The following LARGE1 variants were observed in gnomAD, a reference collection of about 807,000 sequenced individuals.
LARGE1 encodes xylosyl- and glucuronyltransferase LARGE1.
A neutral mutation model predicts 87.6 loss-of-function variants in LARGE1; 43 were observed. The ratio of observed to expected loss-of-function variants is 0.49; its 90% CI spans 0.38 to 0.63. The LOEUF is 0.63. Ranked by LOEUF, LARGE1 falls within the 30% of genes least tolerant of loss-of-function variation. The probability of loss-of-function intolerance (pLI) is 0.00; values close to 1 mark genes in which losing one functional copy is unlikely to be tolerated. For synonymous variants in LARGE1, 434 were observed against 394.6 expected (o/e 1.10, Z -1.18); for missense variants, 802 against 1,000.2 (o/e 0.80, Z 2.67).
chr22:33,304,141 G>A, intron 12 of LARGE1, 88 bp downstream of exon 12: 1 of 1,459,344 alleles, frequency 6.9e-7, no homozygotes, highest in Admixed American at 1.8e-5. Flanking sequence ...TGTTGGACTA[G>A]ATGATGACCC....
chr22:33,120,406 CT>C, the LARGE1 span, among the ~76,000 whole-genome samples: 7 of 91,950 alleles, frequency 7.6e-5, no homozygotes, highest in East Asian at 7.8e-4. Flanking sequence ...TTCTTTCTTT[CT>C]TTCCTTCTTT....
At chr22:33,586,614 C>A (rs951218861) in intron 5 of LARGE1, among the ~76,000 whole-genome samples, 2 of 152,102 alleles carry the variant, frequency 1.3e-5, no homozygotes, top group Non-Finnish European at 2.9e-5. Flanking sequence ...CCCACCACCA[C>A]GCCTGGCTAA....
chr22:33,555,119 T>A (rs1285018619), intron 6 of LARGE1, among the ~76,000 whole-genome samples: 1 of 152,196 alleles, frequency 6.6e-6, no homozygotes, highest in Non-Finnish European at 1.5e-5. Context: ...GTCTAACAAC[T>A]ATTTACTTAG....
chr22:33,126,918 C>T, the LARGE1 span, among the ~76,000 whole-genome samples: 7 of 152,332 alleles, frequency 4.6e-5, no homozygotes, highest in Non-Finnish European at 1.0e-4. Flanking sequence ...CCAGAGAGTC[C>T]ATGATGGCTG....
At chr22:33,484,911 G>GTTT (rs545498648) in intron 6 of LARGE1, among the ~76,000 whole-genome samples, 25 of 130,366 alleles carry the variant, frequency 1.9e-4, no homozygotes, top group African/African-American at 5.7e-4. Flanking sequence ...TAATGAGGTG[G>GTTT]TTTTTTTTTT....
chr22:33,831,981 T>C (rs190096114), intron 1 of LARGE1, among the ~76,000 whole-genome samples: 3 of 152,306 alleles, frequency 2.0e-5, no homozygotes, highest in Non-Finnish European at 4.4e-5. Flanking sequence ...TTCTCACCTT[T>C]CTGTTCCTGC....
At chr22:33,257,330 T>C (rs1927350864) in intron 11 of LARGE1, among the ~76,000 whole-genome samples, 1 of 152,000 alleles carries the variant, frequency 6.6e-6, no homozygotes, top group Admixed American at 6.6e-5. Context: ...CCCAGGAGTT[T>C]GAGACCAGAC....
In LARGE1 at chr22:33,432,195, G is replaced by C; in HGVS notation, c.858C>G (p.Arg286=). ...AGCCTCTTCCAAGGGCTGGCCATGG[G>C]CGGTGATTTTTCCACAGGTTTCCAA... The part of the protein sequence containing the change: ...WYLGNLWKNH[R]PWPALGRGYN... Residue 286 remains arginine, a synonymous_variant, in exon 7 of 15, where the codon CGC becomes CGG. Coordinates refer to ENST00000397394, the MANE Select transcript of LARGE1 (RefSeq NM_133642.5). 6.2e-7 allele frequency: 1 copy of C among 1,614,152 alleles called. No homozygotes were observed. Among genetic ancestry groups the C allele is most frequent in the Non-Finnish European group, 8.5e-7 (1 of 1,180,012 alleles).
intron 11 of LARGE1, among the ~76,000 whole-genome samples, chr22:33,167,267 A>G (rs891713160): frequency 1.3e-5 from 2 of 152,196 alleles, no homozygotes; most frequent in Non-Finnish European, 2.9e-5. Flanking sequence ...CCATACTAAA[A>G]AAGTCTTAAT....
In LARGE1 at chr22:33,837,271, C is replaced by G. The variant is rs1420867610; in HGVS notation, c.-82-75713G>C. 3.3e-5 allele frequency among the ~76,000 whole-genome samples: 5 copies of G among 151,778 alleles called. No individual in the cohort carries two copies. The South Asian group carries it at 6.2e-4, about 19-fold the overall frequency. On this transcript the variant is annotated intron_variant, in intron 1 of 14. Coordinates refer to ENST00000397394, the MANE Select transcript of LARGE1 (RefSeq NM_133642.5). ...AGTATTACATATACACACACACACA[C>G]ACACACACACCTATACATACATACA...
At chr22:33,078,917 A>C in the LARGE1 span, among the ~76,000 whole-genome samples, 1 of 152,202 alleles carries the variant, frequency 6.6e-6, no homozygotes, top group South Asian at 2.1e-4. Flanking sequence ...GTGAGAGAAA[A>C]TATCACGTGC....
chr22:33,257,097 C>T (rs768238776), intron 11 of LARGE1, among the ~76,000 whole-genome samples: 5 of 152,136 alleles, frequency 3.3e-5, no homozygotes, highest in Non-Finnish European at 7.4e-5. Flanking sequence ...CCCAGCTACT[C>T]TGGAGGCTGA....
At chr22:33,867,945 C>T (rs975202506) in intron 1 of LARGE1, among the ~76,000 whole-genome samples, 5 of 152,110 alleles carry the variant, frequency 3.3e-5, no homozygotes, top group African/African-American at 9.7e-5. Context: ...GGTCTACCTG[C>T]GGCTTGCCCA....
chr22:33,739,046 A>T (rs2149508928), intron 2 of LARGE1, among the ~76,000 whole-genome samples: 1 of 151,530 alleles, frequency 6.6e-6, no homozygotes, highest in East Asian at 1.9e-4. Flanking sequence ...AAGCCGTGTA[A>T]CCTCAGCGTA....
At chr22:33,176,928 C>A (rs978422624) in intron 11 of LARGE1, among the ~76,000 whole-genome samples, 1 of 152,002 alleles carries the variant, frequency 6.6e-6, no homozygotes, top group East Asian at 1.9e-4. Context: ...TAGTGATAGA[C>A]TGGATAAAGA....
At chr22:33,109,695 G>A in the LARGE1 span, among the ~76,000 whole-genome samples, 1 of 152,130 alleles carries the variant, frequency 6.6e-6, no homozygotes, top group African/African-American at 2.4e-5. Context: ...TTGGAGGTGG[G>A]GCCTAGTGGG....
At chr22:33,655,746 G>A (rs892139498) in intron 2 of LARGE1, among the ~76,000 whole-genome samples, 3 of 152,094 alleles carry the variant, frequency 2.0e-5, no homozygotes, top group Non-Finnish European at 4.4e-5. Flanking sequence ...AGCATTTGAG[G>A]AAGAGAGAAA....
At chr22:33,775,925 T>C (rs1163335260) in intron 1 of LARGE1, among the ~76,000 whole-genome samples, 3 of 150,272 alleles carry the variant, frequency 2.0e-5, no homozygotes, top group African/African-American at 7.3e-5. Flanking sequence ...GGAATGCTAA[T>C]AAACATCTTA....
chr22:33,270,881 CAG>C (rs550916630), downstream of LARGE1, among the ~76,000 whole-genome samples: 18 of 152,296 alleles, frequency 1.2e-4, 1 homozygote, highest in South Asian at 3.3e-3. Context: ...TCAACACATT[CAG>C]AGAGATCACT....
Sources: gnomAD v4.1 joint callset for allele counts (sites outside exome capture counted in the v4.1 genomes callset) on GRCh38, gnomAD v4.1.1 for gene constraint, MANE v1.5 for transcripts, NCBI Gene and HGNC (gene_info 2026-07-23, HGNC 2026-07-21) for gene names.